The following KMT2C variants were observed in gnomAD, a reference collection of about 807,000 sequenced individuals.
The protein encoded by KMT2C is histone-lysine N-methyltransferase 2C.
A neutral mutation model predicts 507.9 loss-of-function variants in KMT2C; 88 were observed. That is an observed-to-expected ratio of 0.17 (90% CI 0.15 to 0.21). The LOEUF (loss-of-function observed/expected upper bound fraction) is 0.21, where lower values mean the gene tolerates loss of function less well. Among genes scored for constraint, KMT2C ranks in the 10% least tolerant of loss-of-function variants. The pLI is 1.00. For synonymous variants in KMT2C, 2,049 were observed against 2,080.8 expected (o/e 0.98, Z 0.42); for missense variants, 4,954 against 5,957.8 (o/e 0.83, Z 5.55).
chr7:152,178,015 T>TTAAAAAAA lies in KMT2C; in HGVS notation c.7443-6_7443-5insTTTTTTTA, dbSNP rs1491309235. On this transcript the variant is annotated splice_polypyrimidine_tract_variant and splice_region_variant and intron_variant, in intron 37 of 58. Transcript: ENST00000262189. ...CTACCTCCTGGAAATCCAAATCTTT[T>TTAAAAAAA]AAAAAAAAAAAAAAAAAAAAAAAAA... 775 of 810,052 alleles carry TTAAAAAAA rather than the reference T, an allele frequency of 9.6e-4. 10 individuals carry two copies. The highest frequency in any genetic ancestry group is 7.2e-3 in the East Asian group (104 of 14,358). 50.2% of individuals were successfully genotyped at this position (810,052 alleles called of 1,614,324 possible).
rs1211949081 is a variant in KMT2C at position 152,181,664 on chromosome 7, G to A, written c.6196C>T (p.Arg2066Ter). The A allele has an allele frequency of 1.2e-6, 2 of 1,613,948 alleles. No homozygotes were observed. Among genetic ancestry groups the A allele is most frequent in the Non-Finnish European group, 8.5e-7 (1 of 1,179,908 alleles). Residue 2066 changes from arginine to a stop codon, truncating the protein, a stop_gained, in exon 36 of 59, where the codon CGA (arginine) becomes TGA (stop). Coordinates refer to ENST00000262189, the MANE Select transcript of KMT2C (RefSeq NM_170606.3). LOFTEE classifies it high-confidence loss of function. ...PYGSVSQASRRLSVDPYERPA... is the reference protein window; with the variant it reads ...PYGSVSQASR ...CTTTCATAAGGGTCAACAGACAATC[G>A]CCTTGATGCCTGTGACACTGATCCA...
At chr7:152,345,907 A>T (rs2097054111) in intron 2 of KMT2C, among the ~76,000 whole-genome samples, 5 of 152,208 alleles carry the variant, frequency 3.3e-5, no homozygotes. Context: ...ATACATACGG[A>T]TAAGAAATAA....
intron 3 of KMT2C, among the ~76,000 whole-genome samples, chr7:152,329,561 C>A (rs1161637733): frequency 6.8e-6 from 1 of 147,854 alleles, no homozygotes; most frequent in Non-Finnish European, 1.5e-5. Flanking sequence ...CAGAGTAAGA[C>A]CTTGCCTCAA....
In KMT2C at chr7:152,183,086, C is replaced by T. The variant is rs770072535; in HGVS notation, c.5153G>A (p.Arg1718Lys). ...KVQMSNDSMKRQQQQDSIDPS... is the reference protein window; with the variant it reads ...KVQMSNDSMKKQQQQDSIDPS... The stretch of plus-strand genomic sequence containing the variant: ...ATCAATGCTATCTTGCTGTTGCTGC[C>T]TTTTCATGGAATCATTTGACATCTG... Residue 1718 changes from arginine to lysine, a missense_variant, in exon 35 of 59, where the codon AGG becomes AAG. Coordinates refer to ENST00000262189, the MANE Select transcript of KMT2C (RefSeq NM_170606.3). The T allele has an allele frequency of 1.7e-5, 27 of 1,613,018 alleles. No individual in the cohort carries two copies. The highest frequency in any genetic ancestry group is 2.2e-5 in the East Asian group (1 of 44,840).
intron 2 of KMT2C, among the ~76,000 whole-genome samples, chr7:152,332,048 A>G (rs1181393257): frequency 6.6e-6 from 1 of 152,196 alleles, no homozygotes; most frequent in Non-Finnish European, 1.5e-5. Flanking sequence ...TAAAATCATC[A>G]TTAAAAGACT....
At chr7:152,262,915 C>A in intron 9 of KMT2C, 101 bp downstream of exon 9, 1 of 772,276 alleles carries the variant, frequency 1.3e-6, no homozygotes, top group South Asian at 1.9e-5. Flanking sequence ...TTTTAAAAAG[C>A]TGATGGTGAT....
chr7:152,355,738 TAGAATGGG>T (rs2097146335), intron 2 of KMT2C, among the ~76,000 whole-genome samples: 1 of 152,072 alleles, frequency 6.6e-6, no homozygotes, highest in Non-Finnish European at 1.5e-5. Context: ...ATAATTTTAG[TAGAATGGG>T]AGGAAGAAAG....
At chr7:152,388,440 T>A (rs906057184) in intron 1 of KMT2C, among the ~76,000 whole-genome samples, 11 of 152,008 alleles carry the variant, frequency 7.2e-5, no homozygotes, top group African/African-American at 2.7e-4. Flanking sequence ...GTGCCAGTAG[T>A]CCCAGCTACT....
chr7:152,214,310 C>T (rs2094521159), intron 23 of KMT2C, among the ~76,000 whole-genome samples: 1 of 152,090 alleles, frequency 6.6e-6, no homozygotes, highest in Admixed American at 6.6e-5. Flanking sequence ...GATATGGAAA[C>T]AAACTAAGTG....
intron 1 of KMT2C, among the ~76,000 whole-genome samples, chr7:152,421,888 A>G (rs2097779238): frequency 6.6e-6 from 1 of 152,176 alleles, no homozygotes; most frequent in Admixed American, 6.6e-5. Context: ...TGAACCTAAA[A>G]TAAAAGCTGG....
intron 1 of KMT2C, among the ~76,000 whole-genome samples, chr7:152,400,643 A>G (rs2097566818): frequency 6.6e-6 from 1 of 152,230 alleles, no homozygotes; most frequent in African/African-American, 2.4e-5. Flanking sequence ...GTCAACTGTA[A>G]GGGCTAATGA....
Position 152,148,090 on chromosome 7 carries a change from T to C in KMT2C, c.13837A>G (p.Ile4613Val). ...TCATGGCCTTGTTCCACAATCCTGA[T>C]GACAAACACTGGGCGCCCATCCTTC... ...EEKDGRPVFVIRIVEQGHEDL... is the reference protein window; with the variant it reads ...EEKDGRPVFVVRIVEQGHEDL... The change falls in exon 52 of 59, where the codon ATC becomes GTC. Residue 4613 changes from isoleucine (I) to valine (V), a missense_variant. Transcript: ENST00000262189. This position sits in a 1 kb window ranked among gnomAD's most constrained non-coding sequence, Gnocchi z 7.1. 6.2e-7 allele frequency: 1 copy of C among 1,609,446 alleles called. No individual in the cohort carries two copies. The highest frequency in any genetic ancestry group is 8.5e-7 in the Non-Finnish European group (1 of 1,176,294).
intron 5 of KMT2C, among the ~76,000 whole-genome samples, chr7:152,310,519 CG>C (rs2096661833): frequency 6.6e-6 from 1 of 152,088 alleles, no homozygotes; most frequent in Non-Finnish European, 1.5e-5. Context: ...GAGCTGAGAT[CG>C]CACCACTGCA....
intron 26 of KMT2C, among the ~76,000 whole-genome samples, chr7:152,200,441 A>C (rs1010730406): frequency 1.3e-5 from 2 of 152,204 alleles, no homozygotes; most frequent in Non-Finnish European, 2.9e-5. Flanking sequence ...TAAATTATAA[A>C]ATACAGGTCG....
In KMT2C at chr7:152,205,792, C is replaced by T. The variant is rs563860242; in HGVS notation, c.3842-567G>A. ...GTGGAAGTGCACTCTATGATGTTCA[C>T]GCAACGATGAAAATGCCTAATGATG... On this transcript the variant is annotated intron_variant, in intron 24 of 58. Coordinates refer to ENST00000262189, the MANE Select transcript of KMT2C (RefSeq NM_170606.3). Among the ~76,000 whole-genome samples, 4 of 152,250 alleles carry T rather than the reference C, an allele frequency of 2.6e-5. No individual in the cohort carries two copies. The Middle Eastern group carries it at 0.01, about 388-fold the overall frequency.
At chr7:152,352,759 T>C (rs2097123968) in intron 2 of KMT2C, among the ~76,000 whole-genome samples, 2 of 152,156 alleles carry the variant, frequency 1.3e-5, no homozygotes, top group African/African-American at 4.8e-5. Context: ...CCTTAGAGAA[T>C]AGCTGATTTC....
At chr7:152,200,828 A>C (rs1256140601) in intron 26 of KMT2C, among the ~76,000 whole-genome samples, 1 of 152,194 alleles carries the variant, frequency 6.6e-6, no homozygotes, top group Non-Finnish European at 1.5e-5. Flanking sequence ...TAACAATACT[A>C]CCCTTTGAGA....
At chr7:152,139,330 AG>A in intron 56 of KMT2C, 71 bp from the exon 57 acceptor site, 1 of 1,400,430 alleles carries the variant, frequency 7.1e-7, no homozygotes, top group South Asian at 1.2e-5. Flanking sequence ...TATCCACACC[AG>A]GAGGACTCAG....
intron 42 of KMT2C, 48 bp from the exon 43 acceptor site, chr7:152,163,874 C>CT: frequency 6.4e-7 from 1 of 1,559,344 alleles, no homozygotes; most frequent in Middle Eastern, 1.8e-4. Flanking sequence ...AGCATAGGTA[C>CT]TGAAGTAAAA....
Sources: gnomAD v4.1 joint callset for allele counts (sites outside exome capture counted in the v4.1 genomes callset) on GRCh38, gnomAD v4.1.1 for gene constraint, Gnocchi (gnomAD v3.1) non-coding constraint, MANE v1.5 for transcripts, NCBI Gene and HGNC (gene_info 2026-07-23, HGNC 2026-07-21) for gene names.